Variants in SLC24A3 observed in about 807,000 individuals in gnomAD.
The protein encoded by SLC24A3 is solute carrier family 24 member 3, also known as sodium/potassium/calcium exchanger 3.
A neutral mutation model predicts 75.8 loss-of-function variants in SLC24A3; 28 were observed. The observed-to-expected ratio is 0.37, with a 90% CI of 0.27 to 0.51. SLC24A3 has a LOEUF of 0.51. Ranked by LOEUF, SLC24A3 falls within the 20% of genes least tolerant of loss-of-function variation. SLC24A3 has a pLI of 0.94. For missense variants in SLC24A3, 663 were observed against 847.8 expected, an observed-to-expected ratio of 0.78 and a Z score of 2.71; for synonymous variants, 372 against 334.1, an observed-to-expected ratio of 1.11 and a Z score of -1.24.
chr20:19,512,878 T>C (rs2029910582), intron 2 of SLC24A3, among the ~76,000 whole-genome samples: 1 of 152,222 alleles, frequency 6.6e-6, no homozygotes, highest in Admixed American at 6.5e-5. Flanking sequence ...TCGTTGATGA[T>C]TGGGGACCTC....
Position 19,633,275 on chromosome 20 carries a change from A to G in SLC24A3, c.613-20787A>G, listed in dbSNP as rs573003227. ...CTTCTTCCGAAGCCTTCCTCCTTGCATTGTAGATGGCTGTCTTCTCCCTGT... is the reference window on the plus strand; with the variant it reads ...CTTCTTCCGAAGCCTTCCTCCTTGCGTTGTAGATGGCTGTCTTCTCCCTGT... On this transcript the variant is annotated intron_variant, in intron 6 of 16. Coordinates refer to ENST00000328041, the MANE Select transcript of SLC24A3 (RefSeq NM_020689.4). 3.1e-4 allele frequency among the ~76,000 whole-genome samples: 47 copies of G among 152,328 alleles called. 1 individual carries two copies. The South Asian group carries it at 9.7e-3, about 32-fold the overall frequency.
chr20:19,425,608 G>T (rs373345537), intron 2 of SLC24A3, among the ~76,000 whole-genome samples: 5 of 152,006 alleles, frequency 3.3e-5, no homozygotes, highest in African/African-American at 1.2e-4. Context: ...TAAGTTGTCC[G>T]CTTGATGTCT....
chr20:19,253,407 G>C (rs960337830), intron 1 of SLC24A3, among the ~76,000 whole-genome samples: 1 of 152,228 alleles, frequency 6.6e-6, no homozygotes, highest in Non-Finnish European at 1.5e-5. Flanking sequence ...CGTTACCCCT[G>C]TTCCCCTCAG....
At chr20:19,350,186 T>C (rs1426863489) in intron 2 of SLC24A3, among the ~76,000 whole-genome samples, 2 of 152,208 alleles carry the variant, frequency 1.3e-5, no homozygotes, top group Admixed American at 6.5e-5. Flanking sequence ...ATATGAATAA[T>C]GGGAAATAAC....
intron 9 of SLC24A3, among the ~76,000 whole-genome samples, chr20:19,679,220 A>G (rs908356446): frequency 1.3e-5 from 2 of 152,126 alleles, no homozygotes; most frequent in South Asian, 2.1e-4. Context: ...ACCATTGAGC[A>G]CTGAGTGAAC....
intron 1 of SLC24A3, among the ~76,000 whole-genome samples, chr20:19,236,703 C>T (rs1347181283): frequency 6.6e-6 from 1 of 152,212 alleles, no homozygotes; most frequent in East Asian, 1.9e-4. Flanking sequence ...CTGCAGTAAA[C>T]TATGATTGCG....
intron 3 of SLC24A3, among the ~76,000 whole-genome samples, chr20:19,578,287 T>A (rs1421804008): frequency 6.6e-6 from 1 of 151,920 alleles, no homozygotes; most frequent in East Asian, 1.9e-4. Context: ...TGTGCATACA[T>A]GCTTGCGTGT....
At chr20:19,497,050 A>C (rs561522496) in intron 2 of SLC24A3, among the ~76,000 whole-genome samples, 1 of 152,258 alleles carries the variant, frequency 6.6e-6, no homozygotes, top group East Asian at 1.9e-4. Context: ...CATTTACCCC[A>C]TGGGGTACCA....
rs908521793 is a variant in SLC24A3, at chr20:19,645,671, TA to T, written c.613-8382del. Among the ~76,000 whole-genome samples, 23 of 150,368 alleles carry T rather than the reference TA, an allele frequency of 1.5e-4. No individual in the cohort carries two copies. In the South Asian group the frequency reaches 2.9e-3, roughly 19 times the overall value. On this transcript the variant is annotated intron_variant, in intron 6 of 16. Coordinates refer to ENST00000328041, the MANE Select transcript of SLC24A3 (RefSeq NM_020689.4). ...GTCTTGATGTTGTGGACATCCCCCC[TA>T]AAAAAAAATGCAATGTACACTTTAG... is the stretch of plus-strand genomic sequence containing the variant.
chr20:19,688,939 TA>T (rs1427457142), intron 12 of SLC24A3, among the ~76,000 whole-genome samples: 2 of 152,184 alleles, frequency 1.3e-5, no homozygotes, highest in Non-Finnish European at 2.9e-5. Flanking sequence ...TTTATGTTTA[TA>T]TATGTATATA....
At chr20:19,591,497 T>A (rs1400896608) in intron 6 of SLC24A3, among the ~76,000 whole-genome samples, 1 of 152,088 alleles carries the variant, frequency 6.6e-6, no homozygotes, top group Non-Finnish European at 1.5e-5. Flanking sequence ...ATACTAGTTT[T>A]TTTTTTTTAA....
chr20:19,654,167 C>T, intron 7 of SLC24A3, 31 bp downstream of exon 7: 1 of 1,604,742 alleles, frequency 6.2e-7, no homozygotes, highest in Non-Finnish European at 8.5e-7. Context: ...CAGCTCCCAT[C>T]AGTGCTCTTT....
intron 2 of SLC24A3, among the ~76,000 whole-genome samples, chr20:19,473,526 T>C (rs548812919): frequency 6.6e-6 from 1 of 152,384 alleles, no homozygotes; most frequent in East Asian, 1.9e-4. Flanking sequence ...TAGCTTTCTT[T>C]TTTTCATCCT....
intron 2 of SLC24A3, among the ~76,000 whole-genome samples, chr20:19,454,441 C>T (rs1987544388): frequency 6.6e-6 from 1 of 152,172 alleles, no homozygotes; most frequent in African/African-American, 2.4e-5. Flanking sequence ...GTTATGCTAT[C>T]ATTTTAGGCC....
chr20:19,670,826 C>T (rs1220100660), intron 8 of SLC24A3, among the ~76,000 whole-genome samples: 4 of 152,146 alleles, frequency 2.6e-5, no homozygotes, highest in Non-Finnish European at 5.9e-5. Context: ...GTCACCTGCA[C>T]AGATGAGCTG....
At chr20:19,393,444 T>C (rs1986399214) in intron 2 of SLC24A3, among the ~76,000 whole-genome samples, 1 of 152,158 alleles carries the variant, frequency 6.6e-6, no homozygotes, top group Non-Finnish European at 1.5e-5. Flanking sequence ...ATATCTGTCA[T>C]AGGCAACATG....
chr20:19,560,642 C>T (rs2030859818), intron 3 of SLC24A3, among the ~76,000 whole-genome samples: 1 of 152,184 alleles, frequency 6.6e-6, no homozygotes, highest in African/African-American at 2.4e-5. Context: ...GGTATAATTC[C>T]CTGTCTGGTG....
intron 2 of SLC24A3, among the ~76,000 whole-genome samples, chr20:19,505,562 C>T (rs1048867650): frequency 8.5e-5 from 13 of 152,076 alleles, no homozygotes; most frequent in African/African-American, 2.7e-4. Context: ...AGTGAGACAA[C>T]GAGACAATGA....
chr20:19,686,630 G>A (rs1190483054), intron 12 of SLC24A3, among the ~76,000 whole-genome samples: 2 of 152,216 alleles, frequency 1.3e-5, no homozygotes, highest in Non-Finnish European at 2.9e-5. Flanking sequence ...ATGGTGCCGA[G>A]TGTCAGAGTC....
Sources: gnomAD v4.1 joint callset for allele counts (sites outside exome capture counted in the v4.1 genomes callset) on GRCh38, gnomAD v4.1.1 for gene constraint, MANE v1.5 for transcripts, NCBI Gene and HGNC (gene_info 2026-07-23, HGNC 2026-07-21) for gene names.